The following MSL2 variants were observed in gnomAD, a reference collection of about 807,000 sequenced individuals.
MSL2 encodes the protein E3 ubiquitin-protein ligase MSL2.
A neutral mutation model predicts 35.8 loss-of-function variants in MSL2; 2 were observed. That is an observed-to-expected ratio of 0.06 (90% CI 0.02 to 0.18). The LOEUF is 0.18. MSL2 is among the 10% of genes least tolerant of loss of function. MSL2 has a pLI of 1.00. For synonymous variants in MSL2, 296 were observed against 255.7 expected (o/e 1.16, Z -1.50); for missense variants, 523 against 706.7 (o/e 0.74, Z 2.95).
chr3:136,189,875 G>C (rs1293408589), intron 1 of MSL2, among the ~76,000 whole-genome samples: 1 of 151,996 alleles, frequency 6.6e-6, no homozygotes, highest in African/African-American at 2.4e-5. Flanking sequence ...CGCTTTCATG[G>C]TTAATTTCTG....
chr3:136,155,490 T>C (rs111563496), intron 1 of MSL2: 6,774 of 178,620 alleles, frequency 0.038, 517 homozygotes, highest in African/African-American at 0.15. Flanking sequence ...GCCTGGGCAA[T>C]AAGAGCAAAA....
At chr3:136,174,019 A>C (rs1353374990) in intron 1 of MSL2, among the ~76,000 whole-genome samples, 1 of 152,210 alleles carries the variant, frequency 6.6e-6, no homozygotes, top group African/African-American at 2.4e-5. Context: ...ATGACCTCCA[A>C]GAGGAAGCCT....
chr3:136,169,904 A>G (rs1324962103), intron 1 of MSL2, among the ~76,000 whole-genome samples: 1 of 151,962 alleles, frequency 6.6e-6, no homozygotes, highest in Non-Finnish European at 1.5e-5. Flanking sequence ...TAAAAATAAA[A>G]AAGTAGCCAG....
intron 1 of MSL2, among the ~76,000 whole-genome samples, chr3:136,184,026 T>C (rs1403207249): frequency 1.3e-5 from 2 of 152,338 alleles, no homozygotes; most frequent in African/African-American, 4.8e-5. Context: ...CCAGGCGTGG[T>C]GGCTCATGCC....
chr3:136,155,928 C>T, intron 1 of MSL2: 2 of 540,116 alleles, frequency 3.7e-6, no homozygotes, highest in South Asian at 2.9e-5. Context: ...GTTTCCAATA[C>T]TCCAGAACTA....
chr3:136,152,547 G>T lies in MSL2; in HGVS notation c.334C>A (p.Gln112Lys). Reference sequence around the variant, plus strand: ...ATTATATCCCGTGCCAGTGTAGTCTGTGTTATATACTCGCATAGTTTTTTG... The same window carrying T: ...ATTATATCCCGTGCCAGTGTAGTCTTTGTTATATACTCGCATAGTTTTTTG... ...CYKKLCEYIT[Q>K]TTLARDIIEA... The change falls in exon 2 of 2, where the codon CAG becomes AAG. Residue 112 changes from glutamine (Q) to lysine (K), a missense_variant. By Grantham distance (53) the Gln-to-Lys change is moderately conservative. Around this residue, in one of 5 missense-constraint regions of MSL2, gnomAD observed 361 missense variants for 414.6 expected, o/e 0.87. Transcript: ENST00000309993. The T allele has an allele frequency of 6.2e-7, 1 of 1,614,164 alleles. No homozygotes were observed. Among genetic ancestry groups the T allele is most frequent in the Non-Finnish European group, 8.5e-7 (1 of 1,180,030 alleles).
At chr3:136,176,180 G>A (rs1940168132) in intron 1 of MSL2, among the ~76,000 whole-genome samples, 1 of 152,206 alleles carries the variant, frequency 6.6e-6, no homozygotes, top group Non-Finnish European at 1.5e-5. Context: ...CAATATAGTT[G>A]TGTGCAGGCA....
chr3:136,169,231 CGGGGGGGGGGGGGGGGG>C (rs869059543), intron 1 of MSL2, among the ~76,000 whole-genome samples: 1 of 11,120 alleles, frequency 9.0e-5, no homozygotes, highest in Non-Finnish European at 1.5e-4. Flanking sequence ...GTTGTTTTGG[CGGGGGGGGGGGGGGGGG>C]GGGGTGCTTA....
chr3:136,188,235 A>C (rs1410562902), intron 1 of MSL2, among the ~76,000 whole-genome samples: 1 of 152,126 alleles, frequency 6.6e-6, no homozygotes, highest in African/African-American at 2.4e-5. Context: ...AGAGATCGAG[A>C]CCATCCTGGC....
intron 1 of MSL2, among the ~76,000 whole-genome samples, chr3:136,154,174 ATTC>A (rs1479260839): frequency 3.9e-5 from 6 of 152,138 alleles, no homozygotes; most frequent in African/African-American, 1.2e-4. Context: ...CTCAACTCAA[ATTC>A]TTCTAGAAAA....
chr3:136,192,050 T>A (rs2108099273), intron 1 of MSL2, among the ~76,000 whole-genome samples: 1 of 152,322 alleles, frequency 6.6e-6, no homozygotes, highest in Middle Eastern at 3.4e-3. Flanking sequence ...AAAAACAATG[T>A]CTTCCCTAAA....
intron 1 of MSL2, among the ~76,000 whole-genome samples, chr3:136,182,118 CT>C: frequency 6.6e-6 from 1 of 152,158 alleles, no homozygotes; most frequent in South Asian, 2.1e-4. Context: ...TCCAACAGAA[CT>C]TTATGCAACA....
At chr3:136,175,172 C>T (rs1235863924) in intron 1 of MSL2, among the ~76,000 whole-genome samples, 1 of 152,128 alleles carries the variant, frequency 6.6e-6, no homozygotes, top group East Asian at 1.9e-4. Flanking sequence ...GGTGAAACCC[C>T]ATCTCTACTA....
intron 1 of MSL2, among the ~76,000 whole-genome samples, chr3:136,160,425 TAA>T (rs541511094): frequency 6.1e-5 from 6 of 98,814 alleles, no homozygotes; most frequent in Admixed American, 2.1e-4. Context: ...AAATCACAAT[TAA>T]AAAAAAAAAA....
chr3:136,167,367 A>G (rs1304016837), intron 1 of MSL2, among the ~76,000 whole-genome samples: 2 of 152,190 alleles, frequency 1.3e-5, no homozygotes, highest in African/African-American at 4.8e-5. Flanking sequence ...AAGGAATTAA[A>G]CTACCTCAAT....
chr3:136,184,845 G>C (rs1940472097), intron 1 of MSL2, among the ~76,000 whole-genome samples: 1 of 150,156 alleles, frequency 6.7e-6, no homozygotes, highest in African/African-American at 2.5e-5. Context: ...CTCAAATCTA[G>C]CCAATGATGC....
At chr3:136,154,450 C>T (rs1939459239) in intron 1 of MSL2, among the ~76,000 whole-genome samples, 1 of 152,286 alleles carries the variant, frequency 6.6e-6, no homozygotes, top group Admixed American at 6.5e-5. Flanking sequence ...CTCTCCAAAG[C>T]TGCAACTGCT....
chr3:136,174,878 AATAT>A (rs1376724800), intron 1 of MSL2, among the ~76,000 whole-genome samples: 1 of 152,238 alleles, frequency 6.6e-6, no homozygotes, highest in Non-Finnish European at 1.5e-5. Context: ...ATTCATGTGT[AATAT>A]ATATGTTTAA....
At chr3:136,174,408 C>T (rs1940110640) in intron 1 of MSL2, among the ~76,000 whole-genome samples, 1 of 152,158 alleles carries the variant, frequency 6.6e-6, no homozygotes, top group South Asian at 2.1e-4. Flanking sequence ...TAAAACAGTC[C>T]ATGGCATACA....
Sources: allele counts gnomAD v4.1 joint callset (sites outside exome capture counted in the v4.1 genomes callset), GRCh38; gene constraint gnomAD v4.1.1; regional missense constraint gnomAD v4.1.1; transcripts MANE v1.5; gene names NCBI Gene and HGNC (gene_info 2026-07-23, HGNC 2026-07-21).